SCUBE2: variants seen among roughly 807,000 people sequenced by gnomAD.
SCUBE2 encodes the protein signal peptide, CUB domain and EGF like domain containing 2, also known as signal peptide, CUB and EGF-like domain-containing protein 2.
Under a neutral mutation model 125.9 loss-of-function variants are expected in SCUBE2, and 114 were observed. The ratio of observed to expected loss-of-function variants is 0.91; its 90% CI spans 0.78 to 1.06. The LOEUF is 1.06. SCUBE2 is among the 50% of genes least tolerant of loss of function. The probability of loss-of-function intolerance (pLI) is 0.00; values close to 1 mark genes in which losing one functional copy is unlikely to be tolerated. For synonymous variants in SCUBE2, 459 were observed against 492.9 expected (o/e 0.93, Z 0.91); for missense variants, 1,255 against 1,301.8 (o/e 0.96, Z 0.55).
At chr11:9,059,158 T>C in intron 9 of SCUBE2, 145 bp downstream of exon 9, 1 of 916,724 alleles carries the variant, frequency 1.1e-6, no homozygotes, top group Non-Finnish European at 1.6e-6. Context: ...ACCTAATAGA[T>C]GAAATGAGTG....
intron 9 of SCUBE2, among the ~76,000 whole-genome samples, chr11:9,058,652 G>A (rs1859357022): frequency 1.4e-5 from 2 of 145,058 alleles, no homozygotes; most frequent in Non-Finnish European, 3.0e-5. Flanking sequence ...GCTGAGCATG[G>A]TGGCAGATGC....
intron 2 of SCUBE2, among the ~76,000 whole-genome samples, chr11:9,080,140 C>T (rs1452795556): frequency 2.0e-5 from 3 of 152,164 alleles, no homozygotes. Flanking sequence ...ATAAATCTTT[C>T]TACTTAGGGC....
Position 9,089,740 on chromosome 11 carries a change from G to A in SCUBE2, c.223C>T (p.Pro75Ser), listed in dbSNP as rs766701016. Reference protein sequence around the residue: ...TPTSYKCSCKPGYQGEGRQCE... With the variant: ...TPTSYKCSCKSGYQGEGRQCE... ...TGCCTGCCTTCCCCTTGGTAGCCAG[G>A]CTTGCAGGAGCACTTGTAGGAGGTG... The change falls in exon 2 of 23, where the codon CCT becomes TCT. Residue 75 changes from proline to serine, a missense_variant. Coordinates refer to ENST00000649792, the MANE Select transcript of SCUBE2 (RefSeq NM_001367977.2). The A allele has an allele frequency of 3.1e-6, 5 of 1,613,900 alleles. No individual in the cohort carries two copies. The highest frequency in any genetic ancestry group is 3.4e-6 in the Non-Finnish European group (4 of 1,179,890).
At chr11:9,065,776 A>G (rs1298172245) in intron 7 of SCUBE2, 115 bp downstream of exon 7, 3 of 801,766 alleles carry the variant, frequency 3.7e-6, no homozygotes, top group East Asian at 2.5e-5. Flanking sequence ...GGAGCTGCTC[A>G]CCCCAGTCCA....
At chr11:9,071,926 CG>C in intron 4 of SCUBE2, among the ~76,000 whole-genome samples, 1 of 151,860 alleles carries the variant, frequency 6.6e-6, no homozygotes, top group Non-Finnish European at 1.5e-5. Flanking sequence ...AAAGGCGGGC[CG>C]GGGGTGATGT....
Position 9,047,496 on chromosome 11 carries a change from A to C in SCUBE2, c.1862T>G (p.Leu621Arg), listed in dbSNP as rs1566193240. 6.2e-7 allele frequency: 1 copy of C among 1,612,624 alleles called. No individual in the cohort carries two copies. Among genetic ancestry groups the C allele is most frequent in the African/African-American group, 1.3e-5 (1 of 74,380 alleles). ...CTGCTCCCTGTGGACGGCCTTTCTGAGCGTGCGGATGGCTTTACGGAGCCG... is the reference window on the plus strand; with the variant it reads ...CTGCTCCCTGTGGACGGCCTTTCTGCGCGTGCGGATGGCTTTACGGAGCCG... Reference protein sequence around the residue: ...EKRLRKAIRTLRKAVHREQFH... With the variant: ...EKRLRKAIRTRRKAVHREQFH... The change falls in exon 16 of 23, where the codon CTC becomes CGC. Residue 621 changes from leucine to arginine, a missense_variant. By Grantham distance (102) the Leu-to-Arg change is moderately radical. Transcript: ENST00000649792.
At chr11:9,051,237 C>CCTACCTAT (rs1555245415) in intron 13 of SCUBE2, among the ~76,000 whole-genome samples, 50 of 150,394 alleles carry the variant, frequency 3.3e-4, no homozygotes, top group South Asian at 1.3e-3. Context: ...TACCTACCTA[C>CCTACCTAT]CTATCTATCT....
At chr11:9,027,601 C>T in intron 19 of SCUBE2, 40 bp from the exon 20 acceptor site, 1 of 1,564,540 alleles carries the variant, frequency 6.4e-7, no homozygotes, top group Non-Finnish European at 8.7e-7. Context: ...ACGACACTGT[C>T]ATCTCTGTCC....
Position 9,045,519 on chromosome 11 carries a change from T to C in SCUBE2, c.2002+1837A>G, listed in dbSNP as rs1199343950. Among the ~76,000 whole-genome samples the C allele has an allele frequency of 2.0e-5, 3 of 152,062 alleles. No homozygotes were observed. In the East Asian group the frequency reaches 5.8e-4, roughly 29 times the overall value. On this transcript the variant is annotated intron_variant, in intron 16 of 22. Transcript: ENST00000649792. ...AACTATCCTAAGCTTGTCTCCACTG[T>C]ACCATCCAGAGCTCAGAAAACATCA...
intron 16 of SCUBE2, among the ~76,000 whole-genome samples, chr11:9,041,973 T>G (rs1028107283): frequency 6.6e-6 from 1 of 152,106 alleles, no homozygotes; most frequent in African/African-American, 2.4e-5. Context: ...GAGGGGGGCC[T>G]TAGAGGCATG....
intron 4 of SCUBE2, among the ~76,000 whole-genome samples, chr11:9,070,515 C>T (rs1207704262): frequency 2.6e-5 from 4 of 152,194 alleles, no homozygotes; most frequent in East Asian, 1.9e-4. Context: ...TCTTTGCATT[C>T]GTGCAATGTA....
intron 19 of SCUBE2, among the ~76,000 whole-genome samples, chr11:9,028,271 A>C (rs1427069823): frequency 6.6e-6 from 1 of 152,114 alleles, no homozygotes; most frequent in Non-Finnish European, 1.5e-5. Flanking sequence ...ACTCAGGCTC[A>C]AGCTATCCCG....
At chr11:9,065,554 AC>A (rs1208124429) in intron 7 of SCUBE2, among the ~76,000 whole-genome samples, 1 of 152,182 alleles carries the variant, frequency 6.6e-6, no homozygotes, top group Non-Finnish European at 1.5e-5. Flanking sequence ...ATGGGCGAAT[AC>A]CCTGGCCCTA....
At chr11:9,029,463 CAG>C (rs1254757279) in intron 19 of SCUBE2, among the ~76,000 whole-genome samples, 9 of 152,246 alleles carry the variant, frequency 5.9e-5, no homozygotes, top group Non-Finnish European at 8.8e-5. Flanking sequence ...TCTCTCGAGA[CAG>C]AGTCAATCGC....
At chr11:9,080,229 T>C (rs1455318821) in intron 2 of SCUBE2, among the ~76,000 whole-genome samples, 1 of 152,206 alleles carries the variant, frequency 6.6e-6, no homozygotes, top group Non-Finnish European at 1.5e-5. Flanking sequence ...ACTGGTTTAA[T>C]TGGATATCCA....
chr11:9,034,227 C>T (rs1303628991), intron 16 of SCUBE2, among the ~76,000 whole-genome samples: 2 of 152,146 alleles, frequency 1.3e-5, no homozygotes, highest in Non-Finnish European at 1.5e-5. Flanking sequence ...GGTGGCATCC[C>T]GAAAGGTGTC....
intron 16 of SCUBE2, among the ~76,000 whole-genome samples, chr11:9,046,216 G>A (rs1857746063): frequency 6.6e-6 from 1 of 151,774 alleles, no homozygotes. Flanking sequence ...CACCATGCTG[G>A]CCAGGATGGT....
intron 9 of SCUBE2, among the ~76,000 whole-genome samples, chr11:9,056,867 G>A (rs1487262023): frequency 6.6e-6 from 1 of 152,164 alleles, no homozygotes; most frequent in African/African-American, 2.4e-5. Flanking sequence ...AACACCGAGT[G>A]TGCCATGAGA....
intron 2 of SCUBE2, among the ~76,000 whole-genome samples, chr11:9,082,203 C>T (rs1861696171): frequency 6.6e-6 from 1 of 152,128 alleles, no homozygotes; most frequent in African/African-American, 2.4e-5. Flanking sequence ...TAATGTTGAA[C>T]ATTAACAGTT....
Sources: allele counts gnomAD v4.1 joint callset (sites outside exome capture counted in the v4.1 genomes callset), GRCh38; gene constraint gnomAD v4.1.1; transcripts MANE v1.5; gene names NCBI Gene and HGNC (gene_info 2026-07-23, HGNC 2026-07-21).